RSRC1: variants seen among roughly 807,000 people sequenced by gnomAD.
RSRC1 encodes the protein serine/Arginine-related protein 53.
RSRC1 carries 39 observed loss-of-function variants against 49.1 expected under a neutral mutation model. The ratio of observed to expected loss-of-function variants is 0.79; its 90% CI spans 0.61 to 1.04. RSRC1 has a LOEUF of 1.04. Ranked by LOEUF, RSRC1 falls within the 50% of genes least tolerant of loss-of-function variation. The pLI is 0.00. For missense variants in RSRC1, 388 were observed against 402.4 expected, an observed-to-expected ratio of 0.96 and a Z score of 0.31; for synonymous variants, 143 against 130.8, an observed-to-expected ratio of 1.09 and a Z score of -0.63.
chr3:158,241,696 G>A (rs1723589542), intron 4 of RSRC1, among the ~76,000 whole-genome samples: 1 of 152,002 alleles, frequency 6.6e-6, no homozygotes, highest in South Asian at 2.1e-4. Flanking sequence ...AGTTTATGAT[G>A]AATGAAAAGG....
intron 6 of RSRC1, among the ~76,000 whole-genome samples, chr3:158,406,842 T>G (rs1053052830): frequency 6.6e-6 from 1 of 152,156 alleles, no homozygotes; most frequent in Non-Finnish European, 1.5e-5. Context: ...ATGCCATTGA[T>G]CAATGATTTC....
rs1326430186 is a variant in RSRC1, at chr3:158,418,271, T to C, written c.584-42664T>C. Among the ~76,000 whole-genome samples, 4 of 151,916 alleles carry C rather than the reference T, an allele frequency of 2.6e-5. No individual in the cohort carries two copies. The East Asian group carries it at 7.8e-4, about 30-fold the overall frequency. On this transcript the variant is annotated intron_variant, in intron 6 of 9. Transcript: ENST00000611884. Reference sequence around the variant, plus strand: ...AAGGATATGACCATTAAAAGCAACATAGTAAAGTAAAGTCTGTTCAGAAAA... The same window carrying C: ...AAGGATATGACCATTAAAAGCAACACAGTAAAGTAAAGTCTGTTCAGAAAA...
chr3:158,363,544 C>T (rs543575656), intron 6 of RSRC1, among the ~76,000 whole-genome samples: 2 of 152,180 alleles, frequency 1.3e-5, no homozygotes, highest in East Asian at 1.9e-4. Context: ...GGATTACAGG[C>T]GTGAGCCACC....
chr3:158,218,625 C>T (rs1722077354), intron 4 of RSRC1, among the ~76,000 whole-genome samples: 1 of 151,580 alleles, frequency 6.6e-6, no homozygotes, highest in African/African-American at 2.4e-5. Flanking sequence ...ATTGTAGGTG[C>T]AGAACTCAGG....
chr3:158,293,959 C>T (rs1234710240), intron 4 of RSRC1, among the ~76,000 whole-genome samples: 2 of 151,974 alleles, frequency 1.3e-5, no homozygotes, highest in Non-Finnish European at 2.9e-5. Flanking sequence ...TGACTTTTCT[C>T]TTAATCCATT....
At position 158,397,784 on chromosome 3, in the gene RSRC1, C is replaced by A. The variant is rs568908229; in HGVS notation, c.583+42876C>A. Among the ~76,000 whole-genome samples the A allele has an allele frequency of 2.0e-5, 3 of 152,088 alleles. 1 individual carries two copies. The highest frequency in any genetic ancestry group is 4.8e-5 in the African/African-American group (2 of 41,436). On this transcript the variant is annotated intron_variant, in intron 6 of 9. Coordinates refer to ENST00000611884, the MANE Select transcript of RSRC1 (RefSeq NM_001271838.2). ...TTCTCTTTCCCTTCTCCCTATCATA[C>A]CCCTCTCTCTGCTCTTTCCATGGCT...
chr3:158,521,269 A>G (rs145765384), intron 7 of RSRC1, among the ~76,000 whole-genome samples: 78 of 152,234 alleles, frequency 5.1e-4, no homozygotes, highest in African/African-American at 1.8e-3. Context: ...AGTCACCAGC[A>G]GATCTCCATG....
intron 1 of RSRC1, among the ~76,000 whole-genome samples, chr3:158,115,728 T>G (rs1228766504): frequency 6.6e-6 from 1 of 152,208 alleles, no homozygotes; most frequent in Non-Finnish European, 1.5e-5. Flanking sequence ...TGGATTCTCA[T>G]ATCTGCTTCT....
At chr3:158,385,909 G>T (rs370910393) in intron 6 of RSRC1, among the ~76,000 whole-genome samples, 47 of 152,100 alleles carry the variant, frequency 3.1e-4, no homozygotes, top group African/African-American at 1.1e-3. Flanking sequence ...AGTCATTGTC[G>T]TTATCATAGA....
intron 6 of RSRC1, among the ~76,000 whole-genome samples, chr3:158,445,535 A>T (rs1349258747): frequency 6.6e-6 from 1 of 152,110 alleles, no homozygotes; most frequent in East Asian, 1.9e-4. Flanking sequence ...GGACAGCATT[A>T]GGAGATACAC....
intron 3 of RSRC1, among the ~76,000 whole-genome samples, chr3:158,142,399 G>GT (rs778382750): frequency 2.6e-5 from 4 of 152,190 alleles, no homozygotes; most frequent in Non-Finnish European, 4.4e-5. Flanking sequence ...TCATTGTGGA[G>GT]TACTTTTGGA....
intron 5 of RSRC1, among the ~76,000 whole-genome samples, chr3:158,323,634 G>A (rs1728889698): frequency 6.6e-6 from 1 of 152,200 alleles, no homozygotes; most frequent in Non-Finnish European, 1.5e-5. Flanking sequence ...TGCCATTCAA[G>A]CTGTACAGGA....
intron 5 of RSRC1, among the ~76,000 whole-genome samples, chr3:158,302,493 G>A (rs1187641641): frequency 6.6e-6 from 1 of 150,744 alleles, no homozygotes; most frequent in Non-Finnish European, 1.5e-5. Context: ...TGACCCCGGG[G>A]TTATGTCTGT....
chr3:158,405,479 C>A (rs1378034800), intron 6 of RSRC1, among the ~76,000 whole-genome samples: 1 of 152,050 alleles, frequency 6.6e-6, no homozygotes, highest in Non-Finnish European at 1.5e-5. Flanking sequence ...TAGCACTGTT[C>A]AAGGGTGCAG....
At chr3:158,527,169 A>G (rs534974171) in intron 7 of RSRC1, among the ~76,000 whole-genome samples, 16 of 143,842 alleles carry the variant, frequency 1.1e-4, no homozygotes, top group African/African-American at 4.1e-4. Flanking sequence ...TGTTAGGGGT[A>G]GGTTGCAACT....
intron 7 of RSRC1, among the ~76,000 whole-genome samples, chr3:158,472,399 T>C (rs891340505): frequency 6.6e-6 from 1 of 152,116 alleles, no homozygotes; most frequent in African/African-American, 2.4e-5. Context: ...TACTTTGCAG[T>C]CGAGTACACA....
intron 6 of RSRC1, among the ~76,000 whole-genome samples, chr3:158,368,263 C>T (rs1289813096): frequency 6.6e-6 from 1 of 152,158 alleles, no homozygotes; most frequent in Non-Finnish European, 1.5e-5. Context: ...TCTATATGGA[C>T]TCTCTCAAGT....
intron 7 of RSRC1, among the ~76,000 whole-genome samples, chr3:158,489,428 C>T (rs1243837587): frequency 1.3e-5 from 2 of 152,230 alleles, no homozygotes; most frequent in East Asian, 3.9e-4. Context: ...ACTATCTTAA[C>T]ATCTGGCATT....
chr3:158,428,398 C>T (rs974041757), intron 6 of RSRC1, among the ~76,000 whole-genome samples: 1 of 151,816 alleles, frequency 6.6e-6, no homozygotes, highest in Non-Finnish European at 1.5e-5. Flanking sequence ...TGGTGAAGAG[C>T]AGAACCGTTC....
Sources: allele counts gnomAD v4.1 joint callset (sites outside exome capture counted in the v4.1 genomes callset), GRCh38; gene constraint gnomAD v4.1.1; transcripts MANE v1.5; gene names NCBI Gene and HGNC (gene_info 2026-07-23, HGNC 2026-07-21).